Variants in ELN observed in about 807,000 individuals in gnomAD.
The protein encoded by ELN is elastin, also known as tropoelastin.
Under a neutral mutation model 105.8 loss-of-function variants are expected in ELN, and 65 were observed. The observed-to-expected ratio is 0.61, with a 90% CI of 0.50 to 0.75. The LOEUF is 0.75. Among genes scored for constraint, ELN ranks in the 30% least tolerant of loss-of-function variants. The probability of loss-of-function intolerance (pLI) is 0.00; values close to 1 mark genes in which losing one functional copy is unlikely to be tolerated. For missense variants in ELN, 882 were observed against 969.4 expected (o/e 0.91, Z 1.20); for synonymous variants, 368 against 389.2 (o/e 0.95, Z 0.64).
At chr7:74,053,960 G>A (rs959948182) in intron 18 of ELN, among the ~76,000 whole-genome samples, 2 of 151,990 alleles carry the variant, frequency 1.3e-5, no homozygotes, top group East Asian at 1.9e-4. Context: ...ATGAAAGAAC[G>A]GGTGGATGAA....
chr7:74,068,490 C>CT (rs1180366456), intron 32 of ELN, among the ~76,000 whole-genome samples, 167 bp from the exon 33 acceptor site: 1 of 152,212 alleles, frequency 6.6e-6, no homozygotes, highest in Non-Finnish European at 1.5e-5. Flanking sequence ...CCCCATCTGT[C>CT]CAGTGGAAGT....
In ELN at chr7:74,056,272, G is replaced by C; in HGVS notation, c.1152G>C (p.Gly384=). Residue 384 remains glycine, a splice_region_variant and synonymous_variant, in exon 20 of 33, where the codon GGG becomes GGC. Coordinates refer to ENST00000252034, the MANE Select transcript of ELN (RefSeq NM_000501.4). ...TACTTGGCTCCCTTCCCTCTGCAGG[G>C]GCCAGGCCCGGAGTCGGAGTTGGAG... is the stretch of plus-strand genomic sequence containing the variant. The part of the protein sequence containing the change: ...AKAAAKAAKY[G]ARPGVGVGGI... 6.2e-7 allele frequency: 1 copy of C among 1,614,186 alleles called. No individual in the cohort carries two copies. The highest frequency in any genetic ancestry group is 8.5e-7 in the Non-Finnish European group (1 of 1,180,032).
At position 74,063,440 on chromosome 7, in the gene ELN, C is replaced by T; in HGVS notation, c.1918+71C>T. ...CCCAGGGTGTGGGAGGAGCTTCTGA[C>T]CAGGCACTGTAGACTCAGAGTCCCT... On this transcript the variant is annotated intron_variant, in intron 28 of 32. Transcript: ENST00000252034. This position sits in a 1 kb window ranked among gnomAD's most constrained non-coding sequence, Gnocchi z 4.1. 6 of 1,556,502 alleles carry T rather than the reference C, an allele frequency of 3.9e-6. No homozygotes were observed. Among genetic ancestry groups the T allele is most frequent in the Non-Finnish European group, 5.2e-6 (6 of 1,154,212 alleles).
rs782136313 is a variant in ELN at position 74,054,698 on chromosome 7, C to G, written c.1097-18C>G. The G allele has an allele frequency of 1.7e-5, 28 of 1,613,936 alleles. No individual in the cohort carries two copies. The highest frequency in any genetic ancestry group is 2.4e-5 in the Non-Finnish European group (28 of 1,179,934). On this transcript the variant is annotated intron_variant, in intron 18 of 32. Transcript: ENST00000252034. Reference sequence around the variant, plus strand: ...TCCAATCTCTCCTGAGCATTTGTGTCCCTTTTGGTCTCTCCAGGGGTTGTG... The same window carrying G: ...TCCAATCTCTCCTGAGCATTTGTGTGCCTTTTGGTCTCTCCAGGGGTTGTG...
intron 9 of ELN, among the ~76,000 whole-genome samples, chr7:74,044,362 C>T (rs2131515869): frequency 6.6e-6 from 1 of 152,254 alleles, no homozygotes; most frequent in East Asian, 1.9e-4. Flanking sequence ...GCCATTTCCC[C>T]AAACTCCAAA....
Position 74,057,704 on chromosome 7 carries a change from C to T in ELN, c.1414+8C>T. 6.2e-7 allele frequency: 1 copy of T among 1,612,738 alleles called. No homozygotes were observed. The highest frequency in any genetic ancestry group is 8.5e-7 in the Non-Finnish European group (1 of 1,179,698). On this transcript the variant is annotated splice_region_variant and intron_variant, in intron 22 of 32. Transcript: ENST00000252034. ...CCAAAGCCGCCCAGTTTGGTAAGTC[C>T]CCCTCACCCCCGCCACTGGCTCACG...
intron 14 of ELN, 21 bp from the exon 15 acceptor site, chr7:74,048,482 C>T (rs542570431): frequency 5.0e-5 from 80 of 1,614,028 alleles, no homozygotes; most frequent in Middle Eastern, 1.6e-4. Flanking sequence ...AAGGTCTCTC[C>T]CCTCTGCTTC....
intron 17 of ELN, chr7:74,052,664 C>CGGAAGGAA (rs782375003): frequency 2.6e-4 from 30 of 115,746 alleles, no homozygotes; most frequent in African/African-American, 9.6e-4. Context: ...GAAGGAAAGA[C>CGGAAGGAA]GGAAGGAAGG....
intron 17 of ELN, chr7:74,052,232 G>A (rs2131870321): frequency 1.1e-5 from 6 of 559,088 alleles, no homozygotes; most frequent in South Asian, 6.0e-5. Flanking sequence ...TCCCCTCCAG[G>A]GCCAGCCCAC....
chr7:74,059,818 T>A (rs1554682706), intron 22 of ELN, 68 bp from the exon 23 acceptor site: 1 of 856,072 alleles, frequency 1.2e-6, no homozygotes, highest in Non-Finnish European at 2.1e-6. Flanking sequence ...GCTCCAGCCC[T>A]CTTTCCATAA....
chr7:74,053,349 TGTG>T, intron 18 of ELN, 40 bp downstream of exon 18: 1 of 1,604,320 alleles, frequency 6.2e-7, no homozygotes, highest in Non-Finnish European at 8.5e-7. Flanking sequence ...TGTGTGTGTG[TGTG>T]TGTGTGTATT....
chr7:74,052,943 A>T, intron 17 of ELN: 1 of 605,782 alleles, frequency 1.7e-6, no homozygotes, highest in South Asian at 2.1e-5. Flanking sequence ...AAAGAAAGAG[A>T]TCACATTCCT....
At position 74,028,205 on chromosome 7, in the gene ELN, G is replaced by A. The variant is rs542540015; in HGVS notation, c.18G>A (p.Ala6=). 2.2e-5 allele frequency: 35 copies of A among 1,610,888 alleles called. No homozygotes were observed. Among genetic ancestry groups the A allele is most frequent in the Middle Eastern group, 1.7e-4 (1 of 6,052 alleles). ...TCCCCGAGATGGCGGGTCTGACGGC[G>A]GCGGCCCCGCGGCCCGGAGTCCTCC... MAGLT[A]AAPRPGVLLL... Residue 6 remains alanine, a synonymous_variant, in exon 1 of 33, where the codon GCG becomes GCA. Coordinates refer to ENST00000252034, the MANE Select transcript of ELN (RefSeq NM_000501.4).
chr7:74,067,531 G>A (rs1798214927), intron 32 of ELN, among the ~76,000 whole-genome samples: 1 of 151,780 alleles, frequency 6.6e-6, no homozygotes, highest in Non-Finnish European at 1.5e-5. Context: ...CTCCCAAAGT[G>A]CTGGGATTAC....
At chr7:74,056,129 CCA>C in intron 19 of ELN, 140 bp from the exon 20 acceptor site, 1 of 1,088,008 alleles carries the variant, frequency 9.2e-7, no homozygotes, top group Non-Finnish European at 1.4e-6. Flanking sequence ...TGCTGGGGAC[CCA>C]GGCATCCCAG....
rs782654990 is a variant in ELN at position 74,063,144 on chromosome 7, TC to T, written c.1787-5del. 1 of 1,600,222 alleles carries T rather than the reference TC, an allele frequency of 6.2e-7. No homozygotes were observed. Among genetic ancestry groups the T allele is most frequent in the South Asian group, 1.1e-5 (1 of 87,722 alleles). On this transcript the variant is annotated splice_polypyrimidine_tract_variant and splice_region_variant and intron_variant, in intron 26 of 32. Coordinates refer to ENST00000252034, the MANE Select transcript of ELN (RefSeq NM_000501.4). The surrounding 1 kb of genome is among the most constrained non-coding windows in gnomAD (Gnocchi z 4.1). ...AATGGAACACTCATTTTCCCTCCTC[TC>T]CCCGCAGGAGCAGCAGTGCCTGGGG...
In ELN at chr7:74,069,359, G is replaced by A. The variant is rs8326; in HGVS notation, c.*659G>A. The A allele has an allele frequency of 2.5e-4, 60 of 236,408 alleles. 1 individual carries two copies. The South Asian group carries it at 5.6e-3, about 22-fold the overall frequency. The allele number at this position is 236,408 out of a possible 1,614,324, so 14.6% of individuals were successfully genotyped here. A position where few individuals can be genotyped will look rare whatever the true frequency, so the allele number is the denominator to read the frequency against. On this transcript the variant is annotated 3_prime_UTR_variant, in exon 33 of 33. Transcript: ENST00000252034. The stretch of plus-strand genomic sequence containing the variant: ...CCGCCCATCCGTCCATTCATCCATC[G>A]GTCCGTCCATCCATGTCCCCAGTTG...
chr7:74,046,791 A>G (rs781912178), intron 12 of ELN, 24 bp downstream of exon 12: 2 of 1,613,644 alleles, frequency 1.2e-6, no homozygotes, highest in East Asian at 2.2e-5. Flanking sequence ...ACGGTTCAAG[A>G]TGCACCACTC....
intron 11 of ELN, 146 bp downstream of exon 11, chr7:74,046,363 A>T: frequency 8.4e-7 from 1 of 1,193,048 alleles, no homozygotes; most frequent in South Asian, 1.3e-5. Flanking sequence ...CTGTAGCACA[A>T]AGTGGCACCC....
Sources: gnomAD v4.1 joint callset for allele counts (sites outside exome capture counted in the v4.1 genomes callset) on GRCh38, gnomAD v4.1.1 for gene constraint, Gnocchi (gnomAD v3.1) non-coding constraint, MANE v1.5 for transcripts, NCBI Gene and HGNC (gene_info 2026-07-23, HGNC 2026-07-21) for gene names.